The following RGS7 variants were observed in gnomAD, a reference collection of about 807,000 sequenced individuals.
The protein encoded by RGS7 is regulator of G protein signaling 7.
A neutral mutation model predicts 81.1 loss-of-function variants in RGS7; 27 were observed. The ratio of observed to expected loss-of-function variants is 0.33; its 90% confidence interval spans 0.25 to 0.46. The LOEUF is 0.46. Ranked by LOEUF, RGS7 falls within the 20% of genes least tolerant of loss-of-function variation. The pLI, the probability that RGS7 is intolerant of heterozygous loss-of-function variation, is 1.00. For synonymous variants in RGS7, 208 were observed against 207.7 expected (o/e 1.00, Z -0.01); for missense variants, 396 against 607.4 (o/e 0.65, Z 3.66).
chr1:241,172,904 A>G (rs1345968934), intron 2 of RGS7, among the ~76,000 whole-genome samples: 3 of 152,226 alleles, frequency 2.0e-5, no homozygotes, highest in Non-Finnish European at 4.4e-5. Flanking sequence ...TTTAAGAATA[A>G]TTGTAGAAGT....
chr1:241,177,059 T>A (rs2071204827), intron 2 of RGS7, among the ~76,000 whole-genome samples: 1 of 152,174 alleles, frequency 6.6e-6, no homozygotes, highest in Non-Finnish European at 1.5e-5. Flanking sequence ...TTGACTTGGA[T>A]GAGAACCATG....
At chr1:241,042,955 CAAA>C (rs1322600643) in intron 3 of RGS7, among the ~76,000 whole-genome samples, 11 of 80,060 alleles carry the variant, frequency 1.4e-4, no homozygotes, top group African/African-American at 1.7e-4. Context: ...TACTCCGTCT[CAAA>C]AAAAAAAAAA....
chr1:240,833,873 T>C (rs981556463), intron 9 of RGS7, among the ~76,000 whole-genome samples: 4 of 152,154 alleles, frequency 2.6e-5, no homozygotes, highest in African/African-American at 7.2e-5. Flanking sequence ...CTTGACTTCC[T>C]GGGCTCAAGC....
At position 241,192,159 on chromosome 1, in the gene RGS7, G is replaced by GGTATGT. The variant is rs1432006795; in HGVS notation, c.79-93398_79-93397insACATAC. On this transcript the variant is annotated intron_variant, in intron 2 of 18. Transcript: ENST00000440928. ...CCTGATCATTTGGCTAGAGAAAACA[G>GGTATGT]GTGTGTGTGTGTGTGTGTGTGTGTG... 7.5e-3 allele frequency among the ~76,000 whole-genome samples: 910 copies of GGTATGT among 122,002 alleles called. 10 individuals are homozygous for GGTATGT. The highest frequency in any genetic ancestry group is 0.012 in the Admixed American group (143 of 11,948). 80.0% of individuals were successfully genotyped at this position (122,002 alleles called of 152,430 possible).
chr1:241,208,672 G>A (rs1400237048), intron 2 of RGS7, among the ~76,000 whole-genome samples: 1 of 152,080 alleles, frequency 6.6e-6, no homozygotes, highest in Admixed American at 6.6e-5. Flanking sequence ...CTTCATGCCA[G>A]CATCAGAAAC....
chr1:241,244,784 T>G (rs1203257855), intron 2 of RGS7, among the ~76,000 whole-genome samples: 5 of 151,870 alleles, frequency 3.3e-5, no homozygotes, highest in Non-Finnish European at 7.4e-5. Context: ...CCATAAAAAA[T>G]GATGAGTTCA....
At chr1:240,853,638 A>G (rs917117945) in intron 9 of RGS7, among the ~76,000 whole-genome samples, 13 of 151,990 alleles carry the variant, frequency 8.6e-5, no homozygotes, top group Admixed American at 6.6e-5. Context: ...GGGCGCAGTG[A>G]CTCACGCCTG....
chr1:241,140,679 G>A (rs558687803), intron 2 of RGS7, among the ~76,000 whole-genome samples: 2 of 152,230 alleles, frequency 1.3e-5, no homozygotes, highest in South Asian at 4.1e-4. Flanking sequence ...TCAAAATGCT[G>A]AGAATACAGG....
At chr1:240,845,837 G>A (rs1572387051) in intron 9 of RGS7, among the ~76,000 whole-genome samples, 1 of 152,176 alleles carries the variant, frequency 6.6e-6, no homozygotes, top group African/African-American at 2.4e-5. Context: ...ATCCTGAAGA[G>A]AGAAGTAGCT....
At chr1:240,939,707 G>T (rs1677240662) in intron 4 of RGS7, among the ~76,000 whole-genome samples, 1 of 152,142 alleles carries the variant, frequency 6.6e-6, no homozygotes, top group South Asian at 2.1e-4. Flanking sequence ...TCTGGGAGGG[G>T]TATCTTGCTT....
At chr1:241,122,362 G>T (rs1232138313) in intron 2 of RGS7, among the ~76,000 whole-genome samples, 1 of 152,128 alleles carries the variant, frequency 6.6e-6, no homozygotes, top group Non-Finnish European at 1.5e-5. Context: ...AAGTAAAAAT[G>T]CATTTAATAC....
chr1:240,855,004 C>T (rs990736417), intron 9 of RGS7, among the ~76,000 whole-genome samples: 2 of 152,184 alleles, frequency 1.3e-5, no homozygotes, highest in Non-Finnish European at 1.5e-5. Flanking sequence ...TTTAAGGATA[C>T]TTTATCCACA....
At chr1:240,950,532 T>A (rs1485610420) in intron 4 of RGS7, among the ~76,000 whole-genome samples, 2 of 152,042 alleles carry the variant, frequency 1.3e-5, no homozygotes, top group Non-Finnish European at 2.9e-5. Flanking sequence ...AGGAAGATAG[T>A]GGTGGGAGAC....
chr1:241,210,250 A>G (rs1445936026), intron 2 of RGS7, among the ~76,000 whole-genome samples: 1 of 152,126 alleles, frequency 6.6e-6, no homozygotes, highest in Non-Finnish European at 1.5e-5. Flanking sequence ...GCCAGGTTCA[A>G]GTGATTCTCC....
At position 241,193,407 on chromosome 1, in the gene RGS7, G is replaced by A. The variant is rs73131683; in HGVS notation, c.79-94645C>T. Among the ~76,000 whole-genome samples the A allele has an allele frequency of 2.1e-3, 322 of 152,260 alleles. 3 individuals are homozygous for A. Among genetic ancestry groups the A allele is most frequent in the African/African-American group, 6.8e-3 (284 of 41,544 alleles). On this transcript the variant is annotated intron_variant, in intron 2 of 18. Transcript: ENST00000440928. ...GTTGGTCCCCGCCATGTTTGGTCAGGTCTCTTAGAATGATAACTTCTAACA... is the reference window on the plus strand; with the variant it reads ...GTTGGTCCCCGCCATGTTTGGTCAGATCTCTTAGAATGATAACTTCTAACA...
chr1:241,046,836 A>G (rs1275055393), intron 3 of RGS7, among the ~76,000 whole-genome samples: 1 of 152,068 alleles, frequency 6.6e-6, no homozygotes, highest in African/African-American at 2.4e-5. Context: ...TTCTTCTTCA[A>G]TCTGGCAATT....
In RGS7 at chr1:241,218,621, T is replaced by TG. The variant is rs377170086; in HGVS notation, c.79-119860dup. ...GGGTTTCTGACTCCTTAGACTTAAG[T>TG]GGGGGGGTCCCAGAATTACAATTTT... On this transcript the variant is annotated intron_variant, in intron 2 of 18. Transcript: ENST00000440928. Among the ~76,000 whole-genome samples, 33 of 152,164 alleles carry TG rather than the reference T, an allele frequency of 2.2e-4. 1 individual carries two copies. In the South Asian group the frequency reaches 3.3e-3, roughly 15 times the overall value.
intron 9 of RGS7, among the ~76,000 whole-genome samples, chr1:240,867,793 G>A (rs1249246481): frequency 6.6e-6 from 1 of 152,024 alleles, no homozygotes. Flanking sequence ...TTGAGCTCCG[G>A]AGTTCAAGAC....
At chr1:240,894,133 C>T (rs2148159500) in intron 6 of RGS7, among the ~76,000 whole-genome samples, 1 of 152,244 alleles carries the variant, frequency 6.6e-6, no homozygotes, top group South Asian at 2.1e-4. Flanking sequence ...TTCTTCATTT[C>T]TGACCTTCAT....
Sources: allele counts gnomAD v4.1 joint callset (sites outside exome capture counted in the v4.1 genomes callset), GRCh38; gene constraint gnomAD v4.1.1; transcripts MANE v1.5; gene names NCBI Gene and HGNC (gene_info 2026-07-23, HGNC 2026-07-21).